The following UBA2 variants were observed in gnomAD, a reference collection of about 807,000 sequenced individuals.
The protein encoded by UBA2 is SUMO-activating enzyme subunit 2.
UBA2 carries 11 observed loss-of-function variants against 77.2 expected under a neutral mutation model. That is an observed-to-expected ratio of 0.14 (90% CI 0.09 to 0.24). UBA2 has a LOEUF of 0.24. Ranked by LOEUF, UBA2 falls within the 10% of genes least tolerant of loss-of-function variation. UBA2 has a pLI of 1.00. For synonymous variants in UBA2, 278 were observed against 276.7 expected (o/e 1.00, Z -0.05); for missense variants, 487 against 781.7 (o/e 0.62, Z 4.50).
At chr19:34,450,592 C>T (rs2075482174) in intron 9 of UBA2, among the ~76,000 whole-genome samples, 1 of 151,942 alleles carries the variant, frequency 6.6e-6, no homozygotes, top group African/African-American at 2.4e-5. Flanking sequence ...TGCAGGCATT[C>T]GTTATACACT....
At chr19:34,457,193 T>C (rs1294410722) in intron 12 of UBA2, among the ~76,000 whole-genome samples, 1 of 126,236 alleles carries the variant, frequency 7.9e-6, no homozygotes, top group Non-Finnish European at 1.6e-5. Flanking sequence ...TATATATATA[T>C]ATATATATAT....
chr19:34,432,306 C>T (rs1300141717), intron 3 of UBA2, among the ~76,000 whole-genome samples: 1 of 152,136 alleles, frequency 6.6e-6, no homozygotes, highest in African/African-American at 2.4e-5. Context: ...TAGTATGACT[C>T]TGACTTCTGT....
intron 12 of UBA2, 143 bp from the exon 13 acceptor site, chr19:34,458,626 T>G: frequency 2.0e-6 from 1 of 504,912 alleles, no homozygotes; most frequent in Non-Finnish European, 3.3e-6. Flanking sequence ...AAAAAGGTCA[T>G]GATTTTCCTG....
intron 1 of UBA2, 88 bp downstream of exon 1, chr19:34,428,658 T>C: frequency 2.7e-6 from 2 of 743,250 alleles, no homozygotes; most frequent in Non-Finnish European, 3.4e-6. Flanking sequence ...GCTCTGAGGC[T>C]CAGGGCCCGG....
chr19:34,453,665 T>C (rs973175932), intron 10 of UBA2, among the ~76,000 whole-genome samples: 5 of 151,862 alleles, frequency 3.3e-5, no homozygotes, highest in Admixed American at 6.6e-5. Context: ...CTGGGACGAC[T>C]TTAGGTGTGC....
intron 6 of UBA2, among the ~76,000 whole-genome samples, chr19:34,439,988 G>A (rs909686906): frequency 2.0e-5 from 3 of 152,110 alleles, no homozygotes; most frequent in African/African-American, 7.2e-5. Context: ...GACCATGGTA[G>A]TACATAAAAA....
At chr19:34,442,887 A>G (rs1386889185) in intron 6 of UBA2, among the ~76,000 whole-genome samples, 3 of 152,212 alleles carry the variant, frequency 2.0e-5, no homozygotes, top group Non-Finnish European at 4.4e-5. Context: ...GGGAGTGACT[A>G]TCAGAGCTTT....
At chr19:34,449,228 C>T (rs2075466237) in intron 8 of UBA2, among the ~76,000 whole-genome samples, 1 of 151,974 alleles carries the variant, frequency 6.6e-6, no homozygotes, top group African/African-American at 2.4e-5. Context: ...CGCCACGACG[C>T]CCAGCTGATT....
chr19:34,447,864 C>G (rs566673861), intron 8 of UBA2, among the ~76,000 whole-genome samples: 3 of 152,262 alleles, frequency 2.0e-5, no homozygotes, highest in East Asian at 1.9e-4. Context: ...GACATTTAAG[C>G]CCAAGGCTTG....
rs949861926 is a variant in UBA2, at chr19:34,467,528, G to A, written c.1741+514G>A. On this transcript the variant is annotated intron_variant, in intron 16 of 16. Coordinates refer to ENST00000246548, the MANE Select transcript of UBA2 (RefSeq NM_005499.3). The stretch of plus-strand genomic sequence containing the variant: ...GGTGGCTCACACCTGTAACCCCAAC[G>A]CTTTGGGAGGCCGAGGCGGGCAGAT... Among the ~76,000 whole-genome samples the A allele has an allele frequency of 2.6e-5, 4 of 151,102 alleles. No individual in the cohort carries two copies. The East Asian group carries it at 5.9e-4, about 22-fold the overall frequency.
At chr19:34,436,681 A>G (rs1340188630) in intron 5 of UBA2, among the ~76,000 whole-genome samples, 1 of 152,230 alleles carries the variant, frequency 6.6e-6, no homozygotes. Context: ...GAAGTTAAAT[A>G]TTGTAGTTAC....
At chr19:34,451,590 C>G (rs908001250) in intron 9 of UBA2, among the ~76,000 whole-genome samples, 3 of 139,990 alleles carry the variant, frequency 2.1e-5, no homozygotes, top group African/African-American at 5.5e-5. Flanking sequence ...CTCTGTCGCC[C>G]AGGCTGGAGT....
chr19:34,429,386 C>T (rs1045592589), intron 1 of UBA2, among the ~76,000 whole-genome samples: 3 of 152,142 alleles, frequency 2.0e-5, no homozygotes, highest in Non-Finnish European at 4.4e-5. Flanking sequence ...GTCTTAAGGG[C>T]TAGTGGAAAC....
rs752209821 is a variant in UBA2, at chr19:34,452,001, G to A, written c.892G>A (p.Asp298Asn). ...QSQGEETNAS[D>N]QQNEPQLGLK... Reference sequence around the variant, plus strand: ...TTTAGGAGAAGAAACGAATGCATCAGATCAACAGAATGAACCCCAGTTAGG... The same window carrying A: ...TTTAGGAGAAGAAACGAATGCATCAAATCAACAGAATGAACCCCAGTTAGG... Residue 298 changes from aspartate (D) to asparagine (N), a missense_variant, in exon 10 of 17, where the codon GAT becomes AAT. Asp to Asn is a conservative substitution (Grantham distance 23). This residue lies in a region of UBA2 where 300 missense variants were observed against 454.3 expected (regional missense o/e 0.66). Coordinates refer to ENST00000246548, the MANE Select transcript of UBA2 (RefSeq NM_005499.3). 1.3e-6 allele frequency: 2 copies of A among 1,587,188 alleles called. No homozygotes were observed. Among genetic ancestry groups the A allele is most frequent in the Non-Finnish European group, 1.7e-6 (2 of 1,166,512 alleles).
At position 34,454,247 on chromosome 19, in the gene UBA2, A is replaced by G. The variant is rs2075534258; in HGVS notation, c.1039-13A>G. On this transcript the variant is annotated splice_polypyrimidine_tract_variant and intron_variant, in intron 10 of 16. Transcript: ENST00000246548. The stretch of plus-strand genomic sequence containing the variant: ...TGTGGAGAAACTTGTTAAATTGTTT[A>G]AATTATTGGCAGGATGACCCATCTG... 1 of 1,593,780 alleles carries G rather than the reference A, an allele frequency of 6.3e-7. No homozygotes were observed.
intron 14 of UBA2, among the ~76,000 whole-genome samples, chr19:34,462,187 G>C (rs1312952524): frequency 6.6e-6 from 1 of 152,176 alleles, no homozygotes; most frequent in Non-Finnish European, 1.5e-5. Flanking sequence ...TGCCACCAGG[G>C]TTTAAACAGG....
At chr19:34,428,858 G>T in intron 1 of UBA2, 1 of 1,090,054 alleles carries the variant, frequency 9.2e-7, no homozygotes, top group Non-Finnish European at 1.1e-6. Flanking sequence ...GCGTGAAGCC[G>T]CCTCTTATCC....
At chr19:34,456,757 C>A (rs992339414) in intron 12 of UBA2, among the ~76,000 whole-genome samples, 1 of 151,948 alleles carries the variant, frequency 6.6e-6, no homozygotes, top group African/African-American at 2.4e-5. Flanking sequence ...AGGGTTTTAC[C>A]ATGTTAGCCA....
intron 3 of UBA2, 97 bp from the exon 4 acceptor site, chr19:34,433,251 T>C: frequency 1.2e-6 from 1 of 838,402 alleles, no homozygotes; most frequent in African/African-American, 1.7e-5. Flanking sequence ...CAGTTTTGTT[T>C]ACAGTTACTA....
Sources: gnomAD v4.1 joint callset for allele counts (sites outside exome capture counted in the v4.1 genomes callset) on GRCh38, gnomAD v4.1.1 for gene constraint, gnomAD v4.1.1 regional missense constraint, MANE v1.5 for transcripts, NCBI Gene and HGNC (gene_info 2026-07-23, HGNC 2026-07-21) for gene names.